Variants in STXBP5L observed in about 807,000 individuals in gnomAD.
STXBP5L encodes syntaxin binding protein 5L, also known as syntaxin-binding protein 5-like.
STXBP5L carries 65 observed loss-of-function variants against 144.5 expected under a neutral mutation model. That is an observed-to-expected ratio of 0.45 (90% CI 0.37 to 0.55). The LOEUF (loss-of-function observed/expected upper bound fraction) is 0.55, where lower values mean the gene tolerates loss of function less well. STXBP5L is among the 20% of genes least tolerant of loss of function. STXBP5L has a pLI of 0.00. For missense variants in STXBP5L, 1,298 were observed against 1,405.5 expected, an observed-to-expected ratio of 0.92 and a Z score of 1.22; for synonymous variants, 505 against 469.6, an observed-to-expected ratio of 1.08 and a Z score of -0.97.
chr3:121,007,824 C>T (rs1944459687), intron 3 of STXBP5L, among the ~76,000 whole-genome samples: 1 of 151,938 alleles, frequency 6.6e-6, no homozygotes, highest in Admixed American at 6.6e-5. Flanking sequence ...ATACTGACAG[C>T]ATCTTCTACA....
At chr3:121,022,755 T>C (rs543738887) in intron 3 of STXBP5L, among the ~76,000 whole-genome samples, 13 of 152,282 alleles carry the variant, frequency 8.5e-5, no homozygotes, top group Admixed American at 7.2e-4. Flanking sequence ...AGAAGGGACG[T>C]ATCTTAAGGT....
chr3:121,064,714 T>A (rs2041458291), intron 5 of STXBP5L, among the ~76,000 whole-genome samples: 1 of 152,234 alleles, frequency 6.6e-6, no homozygotes, highest in African/African-American at 2.4e-5. Flanking sequence ...GGTTTTGTCT[T>A]AAATATTTGA....
chr3:121,394,612 T>TG (rs2046680651), intron 22 of STXBP5L, among the ~76,000 whole-genome samples: 1 of 146,196 alleles, frequency 6.8e-6, no homozygotes, highest in African/African-American at 2.5e-5. Context: ...GTTTTTTTTT[T>TG]TTTTTTTTTT....
At chr3:121,367,592 C>CTT (rs1560026606) in intron 20 of STXBP5L, among the ~76,000 whole-genome samples, 9 of 59,152 alleles carry the variant, frequency 1.5e-4, no homozygotes, top group Non-Finnish European at 2.4e-4. Flanking sequence ...GTCTTCGACT[C>CTT]TTGTTTTTTT....
intron 2 of STXBP5L, among the ~76,000 whole-genome samples, chr3:120,922,990 G>T (rs1709430192): frequency 6.6e-6 from 1 of 151,700 alleles, no homozygotes; most frequent in African/African-American, 2.4e-5. Context: ...CTTTTCTTTG[G>T]TGGGAGACTT....
intron 3 of STXBP5L, among the ~76,000 whole-genome samples, chr3:120,994,546 C>G (rs1157513913): frequency 6.6e-6 from 1 of 151,974 alleles, no homozygotes. Context: ...TTTAGATGAT[C>G]ATATGATTTG....
At chr3:120,978,931 G>T (rs527707814) in intron 3 of STXBP5L, among the ~76,000 whole-genome samples, 7 of 152,146 alleles carry the variant, frequency 4.6e-5, no homozygotes, top group Non-Finnish European at 1.0e-4. Flanking sequence ...GTACCCAGCC[G>T]TGTGAGGTGT....
chr3:121,051,085 G>C (rs995220949), intron 5 of STXBP5L, among the ~76,000 whole-genome samples: 11 of 151,922 alleles, frequency 7.2e-5, no homozygotes, highest in East Asian at 1.9e-4. Flanking sequence ...ATTCATAAAG[G>C]AAGTCCTGAG....
At position 120,945,810 on chromosome 3, in the gene STXBP5L, A is replaced by G. The variant is rs1191911844; in HGVS notation, c.190-9130A>G. Among the ~76,000 whole-genome samples, 4 of 151,848 alleles carry G rather than the reference A, an allele frequency of 2.6e-5. No homozygotes were observed. The Admixed American group carries it at 2.6e-4, about 10-fold the overall frequency. ...GCAAGTGTTCTTTCAAGAGGATCTT[A>G]TATTAATTATAGCAGTACTGAAAAA... On this transcript the variant is annotated intron_variant, in intron 2 of 26. Transcript: ENST00000471454.
chr3:121,023,682 A>C (rs948055688), intron 3 of STXBP5L, among the ~76,000 whole-genome samples: 12 of 152,214 alleles, frequency 7.9e-5, no homozygotes, highest in African/African-American at 2.4e-4. Context: ...CCAGGTGTAT[A>C]AAAACGAAAC....
intron 7 of STXBP5L, among the ~76,000 whole-genome samples, chr3:121,140,092 C>T (rs934844491): frequency 2.0e-5 from 3 of 151,982 alleles, no homozygotes; most frequent in African/African-American, 7.2e-5. Context: ...ATTCCTCAAA[C>T]TATGAATGAC....
chr3:121,359,620 C>T (rs11716257), intron 20 of STXBP5L, among the ~76,000 whole-genome samples: 119,037 of 151,950 alleles, frequency 0.78, 46,848 homozygotes, highest in East Asian at 0.93. Flanking sequence ...ATTTGATTTT[C>T]GTATATGGTG....
At chr3:121,338,769 C>A (rs763024098) in intron 20 of STXBP5L, among the ~76,000 whole-genome samples, 1 of 151,880 alleles carries the variant, frequency 6.6e-6, no homozygotes. Flanking sequence ...CTATGAACAC[C>A]TCTGTGCACA....
intron 20 of STXBP5L, among the ~76,000 whole-genome samples, chr3:121,339,519 C>A (rs193258377): frequency 2.0e-5 from 3 of 152,200 alleles, no homozygotes; most frequent in African/African-American, 7.2e-5. Context: ...AGGATGCCCA[C>A]TTTTACCACT....
chr3:121,258,159 A>G lies in STXBP5L; in HGVS notation c.1832+826A>G, dbSNP rs577503221. On this transcript the variant is annotated intron_variant, in intron 17 of 26. Coordinates refer to ENST00000471454, the MANE Select transcript of STXBP5L (RefSeq NM_001308330.2). Reference sequence around the variant, plus strand: ...ATAAAACCTAAAGTTAACAAAGCCCATAGTAATATTTTATGATTTTAGTAA... The same window carrying G: ...ATAAAACCTAAAGTTAACAAAGCCCGTAGTAATATTTTATGATTTTAGTAA... Among the ~76,000 whole-genome samples the G allele has an allele frequency of 4.6e-5, 7 of 152,296 alleles. No homozygotes were observed. The East Asian group carries it at 1.3e-3, about 29-fold the overall frequency.
intron 3 of STXBP5L, among the ~76,000 whole-genome samples, chr3:120,976,675 G>T (rs1296999403): frequency 2.0e-5 from 3 of 151,994 alleles, no homozygotes; most frequent in Non-Finnish European, 4.4e-5. Context: ...TTCTCTTGTG[G>T]GCATTTAGTG....
At chr3:121,174,124 T>C (rs922536308) in intron 9 of STXBP5L, among the ~76,000 whole-genome samples, 1 of 151,966 alleles carries the variant, frequency 6.6e-6, no homozygotes, top group African/African-American at 2.4e-5. Context: ...TATTTCAGAG[T>C]TGTAGTGTGG....
chr3:121,067,133 T>G (rs1376361849), intron 5 of STXBP5L, among the ~76,000 whole-genome samples: 1 of 152,088 alleles, frequency 6.6e-6, no homozygotes, highest in Non-Finnish European at 1.5e-5. Context: ...GAATTCTTGA[T>G]TTTTTTCAAA....
In STXBP5L at chr3:120,947,486, A is replaced by T. The variant is rs1710936447; in HGVS notation, c.190-7454A>T. Among the ~76,000 whole-genome samples the T allele has an allele frequency of 2.0e-5, 3 of 151,762 alleles. No homozygotes were observed. In the South Asian group the frequency reaches 6.2e-4, roughly 31 times the overall value. On this transcript the variant is annotated intron_variant, in intron 2 of 26. Transcript: ENST00000471454. ...TGAAATATAACCCACCCACCATACAATTCACCTATTTAAAGTGTACATTTC... is the reference window on the plus strand; with the variant it reads ...TGAAATATAACCCACCCACCATACATTTCACCTATTTAAAGTGTACATTTC...
Sources: allele counts gnomAD v4.1 joint callset (sites outside exome capture counted in the v4.1 genomes callset), GRCh38; gene constraint gnomAD v4.1.1; transcripts MANE v1.5; gene names NCBI Gene and HGNC (gene_info 2026-07-23, HGNC 2026-07-21).